DMD: variants seen among roughly 807,000 people sequenced by gnomAD.
The protein encoded by DMD is dystrophin, also known as mutant dystrophin.
In DMD, 63 loss-of-function variants were observed where a neutral mutation model predicts 330.1. The observed-to-expected ratio is 0.19, with a 90% CI of 0.16 to 0.24. The LOEUF (loss-of-function observed/expected upper bound fraction) is 0.24. Ranked by LOEUF, DMD falls within the 10% of genes least tolerant of loss-of-function variation. The probability of loss-of-function intolerance (pLI) is 1.00; values close to 1 mark genes in which losing one functional copy is unlikely to be tolerated. For synonymous variants in DMD, 1,223 were observed against 959.8 expected, an observed-to-expected ratio of 1.27 and a Z score of -5.07; for missense variants, 3,344 against 2,684.1, an observed-to-expected ratio of 1.25 and a Z score of -5.43.
chrX:32,359,156 C>T (rs943121801), intron 37 of DMD, among the ~76,000 whole-genome samples: 1 of 111,748 alleles, frequency 8.9e-6, no homozygotes, highest in Non-Finnish European at 1.9e-5. Context: ...GAGAGCTGCA[C>T]TTGGACAGTC....
intron 7 of DMD, among the ~76,000 whole-genome samples, chrX:32,728,492 T>C (rs1234995750): frequency 8.9e-6 from 1 of 111,951 alleles, no homozygotes; most frequent in Non-Finnish European, 1.9e-5. Context: ...AGTCATTTAA[T>C]CCATGGCTGC....
Position 31,708,989 on chromosome X carries a change from C to T in DMD, c.7660+20642G>A, listed in dbSNP as rs879087896. Among the ~76,000 whole-genome samples the T allele has an allele frequency of 5.4e-5, 6 of 111,818 alleles. No individual in the cohort carries two copies. In the Admixed American group the frequency reaches 5.7e-4, roughly 11 times the overall value. On this transcript the variant is annotated intron_variant, in intron 52 of 78. Transcript: ENST00000357033. ...TTTGCAGTTCTAAAGAGAGTAAAAT[C>T]GGCTGGGCGTGGTGGCTCACACCTG...
chrX:31,313,332 G>A (rs932465303), intron 62 of DMD, among the ~76,000 whole-genome samples: 51 of 110,213 alleles, frequency 4.6e-4, no homozygotes, highest in African/African-American at 1.6e-3. Flanking sequence ...GCGAAGATAC[G>A]CCAAGGAAAA....
At chrX:31,333,178 T>C (rs1033521207) in intron 61 of DMD, among the ~76,000 whole-genome samples, 19 of 112,016 alleles carry the variant, frequency 1.7e-4, no homozygotes, top group African/African-American at 6.2e-4. Flanking sequence ...ATATACTATA[T>C]TAGTATTGCT....
chrX:32,123,239 AT>A (rs2096646286), intron 44 of DMD, among the ~76,000 whole-genome samples: 5 of 86,706 alleles, frequency 5.8e-5, no homozygotes, highest in Non-Finnish European at 1.1e-4. Context: ...ATATATATAT[AT>A]ATAAATGATC....
At chrX:32,748,488 T>A (rs921838605) in intron 7 of DMD, among the ~76,000 whole-genome samples, 1 of 111,658 alleles carries the variant, frequency 9.0e-6, no homozygotes, top group African/African-American at 3.3e-5. Context: ...AGCTGGGGTA[T>A]GAGTCCAGTT....
chrX:32,288,790 G>GA (rs869064145), intron 42 of DMD, among the ~76,000 whole-genome samples: 11 of 111,682 alleles, frequency 9.8e-5, no homozygotes. Flanking sequence ...ACTGGAGAGA[G>GA]AAAAAAATTA....
intron 4 of DMD, among the ~76,000 whole-genome samples, chrX:32,837,464 T>C (rs747590399): frequency 3.6e-5 from 4 of 111,016 alleles, no homozygotes; most frequent in Admixed American, 9.6e-5. Context: ...CCAGTGGCGC[T>C]CTCCCAACAT....
chrX:31,169,836 A>G (rs755931161), intron 73 of DMD, among the ~76,000 whole-genome samples: 1 of 112,037 alleles, frequency 8.9e-6, no homozygotes, highest in Non-Finnish European at 1.9e-5. Context: ...TGATTGGCCT[A>G]TTTACACGGA....
At chrX:32,919,351 T>A (rs1385256996) in intron 2 of DMD, among the ~76,000 whole-genome samples, 3 of 112,063 alleles carry the variant, frequency 2.7e-5, no homozygotes, top group Non-Finnish European at 5.6e-5. Flanking sequence ...TTTGATCAGG[T>A]TGCATGTCTA....
At chrX:32,707,255 T>A (rs772944642) in intron 7 of DMD, among the ~76,000 whole-genome samples, 2 of 112,146 alleles carry the variant, frequency 1.8e-5, no homozygotes, top group Non-Finnish European at 3.8e-5. Context: ...ATGACTGTAA[T>A]GGGAAAGGAA....
At chrX:31,861,229 G>T (rs1011228541) in intron 48 of DMD, among the ~76,000 whole-genome samples, 1 of 111,322 alleles carries the variant, frequency 9.0e-6, no homozygotes, top group African/African-American at 3.3e-5. Flanking sequence ...AATGAATAAA[G>T]AATTCAAATT....
intron 45 of DMD, among the ~76,000 whole-genome samples, chrX:31,941,907 C>T (rs969036539): frequency 3.6e-5 from 4 of 111,579 alleles, no homozygotes; most frequent in African/African-American, 1.3e-4. Context: ...GCATGTATAC[C>T]ACGTTTATTT....
chrX:31,484,670 CTA>C (rs769831498), intron 57 of DMD, among the ~76,000 whole-genome samples: 2 of 112,125 alleles, frequency 1.8e-5, no homozygotes, highest in East Asian at 5.6e-4. Context: ...TGCTACTACA[CTA>C]TTATAGCAAT....
chrX:31,301,414 G>C (rs2054631354), intron 62 of DMD, among the ~76,000 whole-genome samples: 1 of 111,918 alleles, frequency 8.9e-6, no homozygotes, highest in Admixed American at 9.5e-5. Context: ...CCCTCAGGAA[G>C]CTTAAAATCA....
At chrX:32,694,172 AG>A (rs1484359279) in intron 9 of DMD, among the ~76,000 whole-genome samples, 1 of 110,862 alleles carries the variant, frequency 9.0e-6, no homozygotes, top group African/African-American at 3.3e-5. Flanking sequence ...CACCTTTTTC[AG>A]CCCCTTTGCT....
At chrX:32,519,481 C>T (rs959015554) in intron 17 of DMD, among the ~76,000 whole-genome samples, 6 of 111,018 alleles carry the variant, frequency 5.4e-5, no homozygotes, top group Non-Finnish European at 7.6e-5. Flanking sequence ...TTGTTGTTAT[C>T]TTAGTTTCCT....
At chrX:32,445,445 T>C (rs770918923) in intron 27 of DMD, among the ~76,000 whole-genome samples, 43 of 111,205 alleles carry the variant, frequency 3.9e-4, no homozygotes, top group Admixed American at 1.0e-3. Flanking sequence ...GAGGAGACTG[T>C]GAGACCATTT....
intron 29 of DMD, among the ~76,000 whole-genome samples, chrX:32,437,137 A>G (rs1279297457): frequency 8.9e-6 from 1 of 112,112 alleles, no homozygotes; most frequent in Non-Finnish European, 1.9e-5. Flanking sequence ...CCACATAGCA[A>G]TATCTATTTG....
Sources: gnomAD v4.1 joint callset for allele counts (sites outside exome capture counted in the v4.1 genomes callset) on GRCh38, gnomAD v4.1.1 for gene constraint, MANE v1.5 for transcripts, NCBI Gene and HGNC (gene_info 2026-07-23, HGNC 2026-07-21) for gene names.